SUPT3H: variants seen among roughly 807,000 people sequenced by gnomAD.
SUPT3H encodes the protein SPT3 homolog, SAGA and STAGA complex component.
In SUPT3H, 44 loss-of-function variants were observed where a neutral mutation model predicts 44.3. That is an observed-to-expected ratio of 0.99 (90% CI 0.78 to 1.28). The LOEUF (loss-of-function observed/expected upper bound fraction) is 1.28, where lower values mean the gene tolerates loss of function less well. SUPT3H is among the 50% of genes most tolerant of loss of function. SUPT3H has a pLI of 0.00. For missense variants in SUPT3H, 380 were observed against 387.1 expected, an observed-to-expected ratio of 0.98 and a Z score of 0.15; for synonymous variants, 124 against 125.6, an observed-to-expected ratio of 0.99 and a Z score of 0.09.
At chr6:45,163,514 A>G (rs1423291460) in intron 2 of SUPT3H, among the ~76,000 whole-genome samples, 2 of 152,182 alleles carry the variant, frequency 1.3e-5, no homozygotes, top group Admixed American at 1.3e-4. Context: ...TGGCTATGTC[A>G]ATTGGAAATC....
At position 45,328,434 on chromosome 6, in the gene SUPT3H, T is replaced by C. The variant is rs747165166; in HGVS notation, c.101+36767A>G. 27 of 1,446,860 alleles carry C rather than the reference T, an allele frequency of 1.9e-5. 2 individuals carry two copies. In the South Asian group the frequency reaches 2.1e-4, roughly 12 times the overall value. The allele number at this position is 1,446,860 out of a possible 1,614,324, so 89.6% of individuals were successfully genotyped here. ...TAAATGGTTAATCTCCGCAGGTCAC[T>C]ACCAGCCACCGAGACCAACAGAGTC... On this transcript the variant is annotated intron_variant, in intron 2 of 10. Coordinates refer to ENST00000371459, the MANE Select transcript of SUPT3H (RefSeq NM_003599.4).
In SUPT3H at chr6:44,967,538, G is replaced by A. The variant is rs979017648; in HGVS notation, c.505-5710C>T. The stretch of plus-strand genomic sequence containing the variant: ...TGCCTTTGAAAAATACTTTCAGTAC[G>A]GACAATCATCATTTGCCCTGTCTAT... On this transcript the variant is annotated intron_variant, in intron 6 of 10. Coordinates refer to ENST00000371459, the MANE Select transcript of SUPT3H (RefSeq NM_003599.4). Among the ~76,000 whole-genome samples, 6 of 152,126 alleles carry A rather than the reference G, an allele frequency of 3.9e-5. No individual in the cohort carries two copies. In the East Asian group the frequency reaches 7.7e-4, roughly 20 times the overall value.
chr6:45,360,485 C>T (rs531057892), intron 2 of SUPT3H, among the ~76,000 whole-genome samples: 1 of 152,272 alleles, frequency 6.6e-6, no homozygotes, highest in African/African-American at 2.4e-5. Flanking sequence ...TTGAAGGAAG[C>T]CTGTGTTAGC....
At chr6:45,273,750 T>C (rs1229622219) in intron 2 of SUPT3H, among the ~76,000 whole-genome samples, 1 of 152,224 alleles carries the variant, frequency 6.6e-6, no homozygotes, top group Non-Finnish European at 1.5e-5. Flanking sequence ...TTTTTGACTA[T>C]TAGAAATAAT....
At chr6:44,862,361 T>G (rs964259389) in intron 10 of SUPT3H, among the ~76,000 whole-genome samples, 4 of 151,892 alleles carry the variant, frequency 2.6e-5, no homozygotes, top group African/African-American at 7.3e-5. Flanking sequence ...CTGTGAAGGA[T>G]TCGCACATTA....
intron 2 of SUPT3H, among the ~76,000 whole-genome samples, chr6:45,110,572 A>T (rs796953863): frequency 7.3e-4 from 97 of 133,668 alleles, no homozygotes; most frequent in Admixed American, 2.7e-3. Context: ...CTTTTTTTAA[A>T]AAAAAAAAAG....
intron 2 of SUPT3H, among the ~76,000 whole-genome samples, chr6:45,122,364 T>C (rs994506891): frequency 1.3e-5 from 2 of 152,212 alleles, no homozygotes; most frequent in African/African-American, 2.4e-5. Flanking sequence ...ACATACTTTA[T>C]ATAGTTAAAA....
intron 10 of SUPT3H, among the ~76,000 whole-genome samples, chr6:44,853,528 C>G (rs1773235563): frequency 6.6e-6 from 1 of 152,110 alleles, no homozygotes; most frequent in South Asian, 2.1e-4. Flanking sequence ...TAAATAAGTA[C>G]ATGTGTACAG....
intron 2 of SUPT3H, among the ~76,000 whole-genome samples, chr6:45,294,684 T>C (rs1241635549): frequency 4.2e-5 from 5 of 118,584 alleles, no homozygotes; most frequent in African/African-American, 9.7e-5. Context: ...ACACCAACAG[T>C]GACCAGGTTG....
intron 6 of SUPT3H, among the ~76,000 whole-genome samples, chr6:44,986,768 G>A (rs1446993883): frequency 3.9e-5 from 6 of 151,914 alleles, no homozygotes; most frequent in East Asian, 3.9e-4. Flanking sequence ...TCAGGGTACC[G>A]GAGATACTGC....
intron 2 of SUPT3H, among the ~76,000 whole-genome samples, chr6:45,134,536 G>A (rs1343300873): frequency 2.0e-5 from 3 of 152,122 alleles, no homozygotes; most frequent in African/African-American, 7.2e-5. Context: ...GTCAGATATG[G>A]GTGAGACTCA....
intron 10 of SUPT3H, among the ~76,000 whole-genome samples, chr6:44,854,141 G>C (rs1291529452): frequency 6.6e-6 from 1 of 152,060 alleles, no homozygotes; most frequent in African/African-American, 2.4e-5. Context: ...GTTAATCCAT[G>C]CTTGGGGCCT....
At chr6:45,115,835 T>G (rs1583624902) in intron 2 of SUPT3H, among the ~76,000 whole-genome samples, 1 of 152,280 alleles carries the variant, frequency 6.6e-6, no homozygotes, top group East Asian at 1.9e-4. Flanking sequence ...GCTGAGAATT[T>G]TCAAAGTTCC....
rs1389697770 is a variant in SUPT3H at position 44,827,075 on chromosome 6, T to C, written c.*2741A>G. Among the ~76,000 whole-genome samples, 1 of 152,170 alleles carries C rather than the reference T, an allele frequency of 6.6e-6. No individual in the cohort carries two copies. Among genetic ancestry groups the C allele is most frequent in the East Asian group, 1.9e-4 (1 of 5,192 alleles). The stretch of plus-strand genomic sequence containing the variant: ...TTTCTACTTTCTTTACCCTTAAATC[T>C]AGGAAGCAGTATCAAGAGACGCTAT... On this transcript the variant is annotated 3_prime_UTR_variant, in exon 11 of 11. Coordinates refer to ENST00000371459, the MANE Select transcript of SUPT3H (RefSeq NM_003599.4).
chr6:45,346,840 T>C (rs1273191395), intron 2 of SUPT3H, among the ~76,000 whole-genome samples: 1 of 152,114 alleles, frequency 6.6e-6, no homozygotes, highest in Non-Finnish European at 1.5e-5. Flanking sequence ...GCTAGGATTA[T>C]AGGCGTGAGC....
Position 45,066,188 on chromosome 6 carries a change from A to C in SUPT3H, c.186+39734T>G, listed in dbSNP as rs533275478. 5.2e-3 allele frequency among the ~76,000 whole-genome samples: 787 copies of C among 150,928 alleles called. 8 individuals are homozygous for C. Among genetic ancestry groups the C allele is most frequent in the African/African-American group, 0.016 (659 of 41,042 alleles). On this transcript the variant is annotated intron_variant, in intron 3 of 10. Transcript: ENST00000371459. ...AATCAATAAATGTAATCCAGCATAT[A>C]AACAGAGCCAAAGACAAAAACCACA...
intron 7 of SUPT3H, among the ~76,000 whole-genome samples, chr6:44,958,329 G>C (rs1380546517): frequency 6.6e-6 from 1 of 152,030 alleles, no homozygotes; most frequent in Non-Finnish European, 1.5e-5. Flanking sequence ...TCTCATGCCT[G>C]CATACTATTC....
intron 2 of SUPT3H, among the ~76,000 whole-genome samples, chr6:45,174,995 T>A (rs1259029366): frequency 9.5e-5 from 9 of 94,632 alleles, no homozygotes; most frequent in Non-Finnish European, 1.7e-4. Flanking sequence ...CTGGGCAACA[T>A]AGTGAGCCCT....
chr6:45,122,775 T>G (rs531545734), intron 2 of SUPT3H, among the ~76,000 whole-genome samples: 1 of 152,318 alleles, frequency 6.6e-6, no homozygotes, highest in South Asian at 2.1e-4. Flanking sequence ...GTCTATTTTC[T>G]AAGTTTATAT....
Sources: gnomAD v4.1 joint callset for allele counts (sites outside exome capture counted in the v4.1 genomes callset) on GRCh38, gnomAD v4.1.1 for gene constraint, MANE v1.5 for transcripts, NCBI Gene and HGNC (gene_info 2026-07-23, HGNC 2026-07-21) for gene names.